TMPRSS15: variants seen among roughly 807,000 people sequenced by gnomAD.
TMPRSS15 encodes the protein transmembrane serine protease 15, also known as enteropeptidase.
TMPRSS15 carries 128 observed loss-of-function variants against 125.3 expected under a neutral mutation model. That is an observed-to-expected ratio of 1.02 (90% CI 0.89 to 1.18). The LOEUF (loss-of-function observed/expected upper bound fraction) is 1.18. Ranked by LOEUF, TMPRSS15 falls within the 50% of genes most tolerant of loss-of-function variation. The probability of loss-of-function intolerance (pLI) is 0.00; values close to 1 mark genes in which losing one functional copy is unlikely to be tolerated. For synonymous variants in TMPRSS15, 446 were observed against 423.2 expected, an observed-to-expected ratio of 1.05 and a Z score of -0.66; for missense variants, 1,283 against 1,212.7, an observed-to-expected ratio of 1.06 and a Z score of -0.86.
chr21:18,392,293 G>C lies in TMPRSS15; in HGVS notation c.344+5586C>G, dbSNP rs9983765. On this transcript the variant is annotated intron_variant, in intron 3 of 24. Transcript: ENST00000284885. ...AAACTTTTATACTCTGTCACCTGTTGAAAATTTTGCTGTTTAGAAATTTCT... is the reference window on the plus strand; with the variant it reads ...AAACTTTTATACTCTGTCACCTGTTCAAAATTTTGCTGTTTAGAAATTTCT... Among the ~76,000 whole-genome samples, 784 of 152,206 alleles carry C rather than the reference G, an allele frequency of 5.2e-3. 9 individuals are homozygous for C. The highest frequency in any genetic ancestry group is 0.018 in the African/African-American group (761 of 41,520).
At chr21:18,394,515 TTC>T (rs373272853) in intron 3 of TMPRSS15, among the ~76,000 whole-genome samples, 34 of 148,236 alleles carry the variant, frequency 2.3e-4, no homozygotes, top group Admixed American at 4.0e-4. Context: ...ATGTATGGCA[TTC>T]TCTCTCTCTC....
chr21:18,328,526 A>G (rs1345488250), intron 15 of TMPRSS15, among the ~76,000 whole-genome samples: 2 of 152,200 alleles, frequency 1.3e-5, no homozygotes, highest in Non-Finnish European at 2.9e-5. Context: ...TGTGGTAGTC[A>G]ATTAATACCA....
chr21:18,458,387 C>T (rs1320619345), intron 1 of TMPRSS15, among the ~76,000 whole-genome samples: 1 of 152,226 alleles, frequency 6.6e-6, no homozygotes, highest in South Asian at 2.1e-4. Flanking sequence ...TCAATTTACT[C>T]ATATTGAATG....
upstream of TMPRSS15, among the ~76,000 whole-genome samples, chr21:18,405,283 T>C (rs2076142533): frequency 6.6e-6 from 1 of 152,174 alleles, no homozygotes; most frequent in African/African-American, 2.4e-5. Flanking sequence ...AACAAAACTT[T>C]CACTTTCGAT....
At chr21:18,343,907 T>C in intron 11 of TMPRSS15, 48 bp downstream of exon 11, 1 of 1,533,446 alleles carries the variant, frequency 6.5e-7, no homozygotes, top group East Asian at 2.2e-5. Context: ...AGCAAGGCAA[T>C]GTTACCCATT....
intron 16 of TMPRSS15, among the ~76,000 whole-genome samples, chr21:18,317,237 T>C (rs1431593791): frequency 1.3e-5 from 2 of 152,170 alleles, no homozygotes; most frequent in East Asian, 3.9e-4. Context: ...ATCTAAGTTG[T>C]AGACTCACAT....
intron 6 of TMPRSS15, among the ~76,000 whole-genome samples, chr21:18,370,209 G>A (rs2075778957): frequency 6.6e-6 from 1 of 151,960 alleles, no homozygotes; most frequent in South Asian, 2.1e-4. Context: ...ATGATTCATA[G>A]CATTAAAACT....
At position 18,352,994 on chromosome 21, in the gene TMPRSS15, T is replaced by C. The variant is rs1441858102; in HGVS notation, c.1080A>G (p.Leu360=). Residue 360 remains leucine, a synonymous_variant, in exon 10 of 25, where the codon CTA becomes CTG. Transcript: ENST00000284885. ...EDGFCFWVQD[L]NDDNEWERIQ... ...TCCTTTCCCATTCATTATCATCATT[T>C]AGATCCTGGACCCAGAAACAAAAGC... 6.2e-7 allele frequency: 1 copy of C among 1,611,932 alleles called. No homozygotes were observed. The highest frequency in any genetic ancestry group is 1.1e-5 in the South Asian group (1 of 91,028).
chr21:18,333,303 A>G (rs920793392), intron 13 of TMPRSS15, among the ~76,000 whole-genome samples: 6 of 152,340 alleles, frequency 3.9e-5, no homozygotes, highest in African/African-American at 1.2e-4. Flanking sequence ...TTTCTTTAGC[A>G]TTCTTATGGC....
Position 18,297,913 on chromosome 21 carries a change from A to G in TMPRSS15, c.2166-84T>C, listed in dbSNP as rs915068709. ...GTTAGACTTTCAGTTCCTTAATGCT[A>G]TGGACATTAAAACAAATTATGGGAT... On this transcript the variant is annotated intron_variant, in intron 18 of 24. Transcript: ENST00000284885. 6.7e-6 allele frequency: 7 copies of G among 1,038,436 alleles called. 1 individual carries two copies. The highest frequency in any genetic ancestry group is 2.1e-5 in the Admixed American group (1 of 46,924). The allele number at this position is 1,038,436 out of a possible 1,614,324, so 64.3% of individuals were successfully genotyped here. A position where few individuals can be genotyped will look rare whatever the true frequency, so the allele number is the denominator to read the frequency against.
chr21:18,288,012 T>TATC (rs1161680487), intron 21 of TMPRSS15, among the ~76,000 whole-genome samples: 1 of 152,178 alleles, frequency 6.6e-6, no homozygotes, highest in African/African-American at 2.4e-5. Context: ...GAAATCAGTG[T>TATC]ATCAAAAAGA....
chr21:18,431,513 AGTTAAATATGTT>A (rs1174982342), intron 1 of TMPRSS15, among the ~76,000 whole-genome samples: 1 of 152,130 alleles, frequency 6.6e-6, no homozygotes, highest in Non-Finnish European at 1.5e-5. Context: ...CAAGGAGAGT[AGTTAAATATGTT>A]GATTCAAACA....
chr21:18,364,258 C>T (rs1471500429), intron 7 of TMPRSS15, among the ~76,000 whole-genome samples: 1 of 151,768 alleles, frequency 6.6e-6, no homozygotes, highest in African/African-American at 2.4e-5. Flanking sequence ...AACCATAATC[C>T]CATCTAGCTA....
Position 18,294,260 on chromosome 21 carries a change from T to A in TMPRSS15, c.2486+10A>T. On this transcript the variant is annotated intron_variant, in intron 21 of 24. Transcript: ENST00000284885. ...CTAGTTTGGGAAGGGACACTTGACA[T>A]CACACTCACCCATACACGCAGTGTG... The A allele has an allele frequency of 6.2e-7, 1 of 1,614,010 alleles. No homozygotes were observed. Among genetic ancestry groups the A allele is most frequent in the South Asian group, 1.1e-5 (1 of 91,084 alleles).
At position 18,275,327 on chromosome 21, in the gene TMPRSS15, G is replaced by A; in HGVS notation, c.2774C>T (p.Ala925Val). ...WGTVVYQGTT[A>V]NILQEADVPL... Reference sequence around the variant, plus strand: ...AACATCAGCTTCTTGCAATATGTTTGCAGTAGTACCTGCTCAAAATGGAGA... The same window carrying A: ...AACATCAGCTTCTTGCAATATGTTTACAGTAGTACCTGCTCAAAATGGAGA... The change falls in exon 24 of 25, where the codon GCA becomes GTA. Residue 925 changes from alanine (A) to valine (V), a missense_variant. Physicochemically the swap from Ala to Val is moderately conservative, Grantham distance 64. Transcript: ENST00000284885. The A allele has an allele frequency of 6.2e-7, 1 of 1,613,902 alleles. No individual in the cohort carries two copies. The highest frequency in any genetic ancestry group is 8.5e-7 in the Non-Finnish European group (1 of 1,179,976).
chr21:18,365,860 G>A (rs1192742795), intron 6 of TMPRSS15, among the ~76,000 whole-genome samples: 3 of 150,564 alleles, frequency 2.0e-5, no homozygotes, highest in Admixed American at 6.6e-5. Context: ...TCAGCCTCCG[G>A]AGTAGCTGGG....
chr21:18,403,559 C>A lies in TMPRSS15; in HGVS notation c.64G>T (p.Ala22Ser). The A allele has an allele frequency of 6.2e-7, 1 of 1,614,144 alleles. No individual in the cohort carries two copies. Among genetic ancestry groups the A allele is most frequent in the Non-Finnish European group, 8.5e-7 (1 of 1,180,016 alleles). The change falls in exon 1 of 25, where the codon GCA becomes TCA. Residue 22 changes from alanine (A) to serine (S), a missense_variant. Physicochemically the swap from Ala to Ser is moderately conservative, Grantham distance 99. Coordinates refer to ENST00000284885, the MANE Select transcript of TMPRSS15 (RefSeq NM_002772.3). ...HSLSSYEIMF[A>S]ALFAILVVLC... ...ACTACCAATATGGCAAAGAGAGCTG[C>A]AAACATGATTTCATAGGAGCTGAGA...
intron 8 of TMPRSS15, among the ~76,000 whole-genome samples, chr21:18,359,303 AC>A (rs1555903694): frequency 2.4e-4 from 36 of 152,042 alleles, no homozygotes; most frequent in Non-Finnish European, 1.5e-5. Flanking sequence ...CCTTGGCTAG[AC>A]AGTGTTTTAG....
intron 21 of TMPRSS15, among the ~76,000 whole-genome samples, chr21:18,292,237 G>C (rs1601283559): frequency 6.6e-6 from 1 of 152,190 alleles, no homozygotes; most frequent in East Asian, 1.9e-4. Context: ...TATTTACATA[G>C]ACAAGACCCC....
Sources: gnomAD v4.1 joint callset for allele counts (sites outside exome capture counted in the v4.1 genomes callset) on GRCh38, gnomAD v4.1.1 for gene constraint, MANE v1.5 for transcripts, NCBI Gene and HGNC (gene_info 2026-07-23, HGNC 2026-07-21) for gene names.